The following ARB2A variants were observed in gnomAD, a reference collection of about 807,000 sequenced individuals.
ARB2A encodes the protein ARB2 cotranscriptional regulator A.
At chr5:93,934,518 T>C in the ARB2A span, among the ~76,000 whole-genome samples, 1 of 152,158 alleles carries the variant, frequency 6.6e-6, no homozygotes, top group Non-Finnish European at 1.5e-5. Context: ...CTAAGTGGTC[T>C]TAGGTAATCA....
chr5:93,983,111 C>T, the ARB2A span, among the ~76,000 whole-genome samples: 1 of 151,622 alleles, frequency 6.6e-6, no homozygotes, highest in East Asian at 1.9e-4. Flanking sequence ...CTTACGGAGC[C>T]ACCTTATATA....
chr5:93,721,325 G>C, the ARB2A span, among the ~76,000 whole-genome samples: 2 of 152,186 alleles, frequency 1.3e-5, no homozygotes, highest in African/African-American at 2.4e-5. Context: ...TCGTAAGATA[G>C]TATGGAAGGG....
At chr5:93,950,956 AAAT>A in the ARB2A span, among the ~76,000 whole-genome samples, 5 of 146,486 alleles carry the variant, frequency 3.4e-5, no homozygotes, top group African/African-American at 1.2e-4. Context: ...AAAAAAAAAA[AAAT>A]AAAATAAAAT....
the ARB2A span, among the ~76,000 whole-genome samples, chr5:93,793,419 T>C: frequency 1.7e-4 from 26 of 151,950 alleles, no homozygotes; most frequent in Middle Eastern, 3.4e-3. Context: ...CTTTGTACCA[T>C]GGCTATTTGT....
the ARB2A span, among the ~76,000 whole-genome samples, chr5:94,110,449 G>A: frequency 6.6e-6 from 1 of 152,152 alleles, no homozygotes; most frequent in African/African-American, 2.4e-5. Flanking sequence ...AGCAGCCATA[G>A]CCTGAAAGCA....
At chr5:94,095,528 C>T in the ARB2A span, among the ~76,000 whole-genome samples, 2 of 152,002 alleles carry the variant, frequency 1.3e-5, no homozygotes, top group South Asian at 4.2e-4. Context: ...TTTTCCTCTA[C>T]TAATTGCAAA....
chr5:93,622,529 A>G, the ARB2A span, among the ~76,000 whole-genome samples: 3 of 152,212 alleles, frequency 2.0e-5, no homozygotes, highest in Non-Finnish European at 4.4e-5. Flanking sequence ...GCCAGAGAGC[A>G]GAAAGCTACA....
the ARB2A span, among the ~76,000 whole-genome samples, chr5:93,956,786 T>A: frequency 6.6e-6 from 1 of 151,746 alleles, no homozygotes; most frequent in Non-Finnish European, 1.5e-5. Flanking sequence ...CACCTCCCCA[T>A]CCACAGAGCA....
the ARB2A span, among the ~76,000 whole-genome samples, chr5:93,705,641 GTGTGTGTGTGTATA>G: frequency 2.3e-4 from 34 of 145,812 alleles, no homozygotes; most frequent in African/African-American, 9.0e-4. Flanking sequence ...GTGTGTGTGT[GTGTGTGTGTGTATA>G]TATATATATA....
the ARB2A span, among the ~76,000 whole-genome samples, chr5:93,954,124 G>T: frequency 6.6e-6 from 1 of 152,070 alleles, no homozygotes; most frequent in South Asian, 2.1e-4. Flanking sequence ...ATCCCACTAT[G>T]GCCGAGCTGG....
At chr5:93,918,146 C>T in the ARB2A span, among the ~76,000 whole-genome samples, 1 of 152,142 alleles carries the variant, frequency 6.6e-6, no homozygotes, top group Non-Finnish European at 1.5e-5. Context: ...CCTGTTTTCT[C>T]AAACTGAACC....
At chr5:93,718,992 T>G in the ARB2A span, among the ~76,000 whole-genome samples, 2 of 152,318 alleles carry the variant, frequency 1.3e-5, no homozygotes, top group African/African-American at 4.8e-5. Flanking sequence ...TAGGCAACAC[T>G]GACAGCTCTC....
the ARB2A span, among the ~76,000 whole-genome samples, chr5:94,105,066 TC>T: frequency 6.6e-6 from 1 of 151,906 alleles, no homozygotes; most frequent in African/African-American, 2.4e-5. Context: ...TAGAGACATT[TC>T]CCTTGAAAAC....
chr5:93,879,869 T>A, the ARB2A span, among the ~76,000 whole-genome samples: 1 of 152,032 alleles, frequency 6.6e-6, no homozygotes, highest in South Asian at 2.1e-4. Context: ...GTATTCCTTA[T>A]AATTTTATAT....
the ARB2A span, among the ~76,000 whole-genome samples, chr5:93,822,778 A>G: frequency 6.6e-6 from 1 of 152,086 alleles, no homozygotes; most frequent in East Asian, 1.9e-4. Context: ...CAAAATAAAT[A>G]AATTAATTCA....
At chr5:94,101,664 A>G in the ARB2A span, among the ~76,000 whole-genome samples, 1 of 152,216 alleles carries the variant, frequency 6.6e-6, no homozygotes, top group African/African-American at 2.4e-5. Context: ...GAAGGCTATC[A>G]TCCTTAGCAA....
the ARB2A span, among the ~76,000 whole-genome samples, chr5:94,066,684 T>C: frequency 6.6e-6 from 1 of 152,076 alleles, no homozygotes. Context: ...TGAGATCAAA[T>C]AGTAATAAAA....
At chr5:94,004,998 CAAAAAA>C in the ARB2A span, among the ~76,000 whole-genome samples, 4 of 12,550 alleles carry the variant, frequency 3.2e-4, no homozygotes, top group African/African-American at 9.2e-4. Flanking sequence ...ATTTTATCAG[CAAAAAA>C]AAAAAAAAAA....
At chr5:93,803,687 G>A in the ARB2A span, among the ~76,000 whole-genome samples, 2 of 143,654 alleles carry the variant, frequency 1.4e-5, no homozygotes, top group African/African-American at 5.1e-5. Context: ...TAAAAAACCT[G>A]CATATGTATT....
Sources: gnomAD v4.1 joint callset for allele counts (sites outside exome capture counted in the v4.1 genomes callset) on GRCh38, gnomAD v4.1.1 for gene constraint, MANE v1.5 for transcripts, NCBI Gene and HGNC (gene_info 2026-07-23, HGNC 2026-07-21) for gene names.